Variants in STXBP5 observed in about 807,000 individuals in gnomAD.
The protein encoded by STXBP5 is syntaxin-binding protein 5.
Under a neutral mutation model 152.4 loss-of-function variants are expected in STXBP5, and 50 were observed. The ratio of observed to expected loss-of-function variants is 0.33; its 90% CI spans 0.26 to 0.42. STXBP5 has a LOEUF of 0.42. STXBP5 is among the 10% of genes least tolerant of loss of function. The pLI is 1.00. For synonymous variants in STXBP5, 492 were observed against 494.7 expected, an observed-to-expected ratio of 0.99 and a Z score of 0.07; for missense variants, 1,167 against 1,388.6, an observed-to-expected ratio of 0.84 and a Z score of 2.54.
intron 8 of STXBP5, among the ~76,000 whole-genome samples, chr6:147,283,294 C>T (rs187226593): frequency 7.9e-5 from 12 of 152,174 alleles, no homozygotes; most frequent in Non-Finnish European, 1.5e-4. Context: ...AAGGATGAGA[C>T]GTGTAAAGAA....
At chr6:147,265,348 T>A (rs1779840736) in intron 6 of STXBP5, among the ~76,000 whole-genome samples, 1 of 152,136 alleles carries the variant, frequency 6.6e-6, no homozygotes, top group Non-Finnish European at 1.5e-5. Context: ...GCCCAAATTT[T>A]GTTTATATCC....
At position 147,328,316 on chromosome 6, in the gene STXBP5, A is replaced by C. The variant is rs560269098; in HGVS notation, c.2080+1040A>C. Among the ~76,000 whole-genome samples the C allele has an allele frequency of 1.2e-3, 186 of 152,332 alleles. 4 individuals carry two copies. The South Asian group carries it at 0.038, about 31-fold the overall frequency. On this transcript the variant is annotated intron_variant, in intron 18 of 27. Coordinates refer to ENST00000321680, the MANE Select transcript of STXBP5 (RefSeq NM_001127715.4). ...CCCAACTGGACCAGAGATTGAGGGC[A>C]ACCTGTTTGAGGCATACTTAACTCA...
At chr6:147,382,465 A>G (rs1315947362) in intron 26 of STXBP5, among the ~76,000 whole-genome samples, 1 of 152,146 alleles carries the variant, frequency 6.6e-6, no homozygotes, top group Non-Finnish European at 1.5e-5. Context: ...AGTTTTTGCC[A>G]TTATGTAATT....
intron 8 of STXBP5, among the ~76,000 whole-genome samples, chr6:147,289,813 A>G (rs1030744240): frequency 1.3e-5 from 2 of 152,140 alleles, no homozygotes; most frequent in African/African-American, 2.4e-5. Context: ...AATTGGCACA[A>G]CCTATCTAGA....
chr6:147,324,234 T>C (rs1300024139), intron 16 of STXBP5, among the ~76,000 whole-genome samples: 1 of 151,246 alleles, frequency 6.6e-6, no homozygotes, highest in Non-Finnish European at 1.5e-5. Context: ...TGTTACTTCA[T>C]GTTTTTAAGT....
At chr6:147,254,114 G>A (rs1300479361) in intron 4 of STXBP5, among the ~76,000 whole-genome samples, 2 of 152,102 alleles carry the variant, frequency 1.3e-5, no homozygotes, top group African/African-American at 2.4e-5. Context: ...CAATGTAACA[G>A]AACAGAGGCC....
At chr6:147,270,515 T>A (rs1001904787) in intron 7 of STXBP5, among the ~76,000 whole-genome samples, 2 of 151,828 alleles carry the variant, frequency 1.3e-5, no homozygotes, top group African/African-American at 4.8e-5. Context: ...CCTAGAACTT[T>A]ATACCTGGTG....
Position 147,287,303 on chromosome 6 carries a change from T to C in STXBP5, c.839-3791T>C, listed in dbSNP as rs961254103. Among the ~76,000 whole-genome samples the C allele has an allele frequency of 4.0e-4, 57 of 141,554 alleles. 1 individual carries two copies. The Middle Eastern group carries it at 0.015, about 37-fold the overall frequency. 92.9% of individuals were successfully genotyped at this position (141,554 alleles called of 152,430 possible). On this transcript the variant is annotated intron_variant, in intron 8 of 27. Coordinates refer to ENST00000321680, the MANE Select transcript of STXBP5 (RefSeq NM_001127715.4). ...CTGCAAGCTCCGCCTCCCGGGTTCA[T>C]GCCATTCTCCTGCCTCAGCCTCCCA... is the stretch of plus-strand genomic sequence containing the variant.
intron 2 of STXBP5, among the ~76,000 whole-genome samples, chr6:147,214,687 A>G (rs1777069765): frequency 1.3e-5 from 2 of 152,216 alleles, no homozygotes; most frequent in South Asian, 2.1e-4. Context: ...AATATGTGAC[A>G]TTAAATGTCT....
intron 8 of STXBP5, 102 bp downstream of exon 8, chr6:147,278,306 G>A: frequency 8.4e-7 from 1 of 1,185,308 alleles, no homozygotes; most frequent in Admixed American, 2.7e-5. Context: ...TTAGGATAAG[G>A]ATGGGTTTCC....
intron 16 of STXBP5, among the ~76,000 whole-genome samples, chr6:147,321,041 A>G (rs1160830040): frequency 1.3e-5 from 2 of 152,198 alleles, no homozygotes; most frequent in Non-Finnish European, 2.9e-5. Context: ...TTAGTAGAAT[A>G]TTGTACAAGC....
chr6:147,381,816 TACTC>T (rs1786099652), intron 26 of STXBP5, among the ~76,000 whole-genome samples: 1 of 152,018 alleles, frequency 6.6e-6, no homozygotes, highest in African/African-American at 2.4e-5. Context: ...TTAAATGAAA[TACTC>T]AGAATAGGCA....
intron 2 of STXBP5, among the ~76,000 whole-genome samples, chr6:147,231,019 C>A (rs1249659928): frequency 6.6e-6 from 1 of 151,588 alleles, no homozygotes; most frequent in African/African-American, 2.4e-5. Flanking sequence ...CCTTCTCAAC[C>A]AATCAACCAG....
intron 2 of STXBP5, among the ~76,000 whole-genome samples, chr6:147,213,364 C>T (rs551261194): frequency 6.6e-6 from 1 of 151,358 alleles, no homozygotes; most frequent in East Asian, 1.9e-4. Context: ...AACGATCTTC[C>T]TGCCTCAGCT....
In STXBP5 at chr6:147,314,269, G is replaced by A. The variant is rs759464439; in HGVS notation, c.1299G>A (p.Trp433Ter). ...ACAGTCATCTTTTTTTATAGGAATG[G>A]CCCATCAACGGAGGTAATTGGGGCT... ...QKRQGYSKKE[W>*]PINGGNWGLG... is the part of the protein sequence containing the mutation. The change falls in exon 13 of 28, where the codon TGG becomes TGA. Residue 433 changes from tryptophan to a stop codon, truncating the protein, a stop_gained. Coordinates refer to ENST00000321680, the MANE Select transcript of STXBP5 (RefSeq NM_001127715.4). LOFTEE classifies it high-confidence loss of function. 2 of 1,609,940 alleles carry A rather than the reference G, an allele frequency of 1.2e-6. No homozygotes were observed.
intron 2 of STXBP5, among the ~76,000 whole-genome samples, chr6:147,213,430 ATATATGTGTGTGTGTGTGTGTG>A (rs1776966802): frequency 2.9e-5 from 2 of 68,402 alleles, no homozygotes; most frequent in African/African-American, 9.6e-5. Context: ...ACATAATTTT[ATATATGTGTGTGTGTGTGTGTG>A]TGTGTGTGTG....
intron 4 of STXBP5, among the ~76,000 whole-genome samples, chr6:147,248,476 A>C (rs1346962365): frequency 1.3e-5 from 2 of 152,192 alleles, no homozygotes; most frequent in Non-Finnish European, 2.9e-5. Flanking sequence ...GACAAAAGTC[A>C]GTCATCAGGA....
At chr6:147,357,688 T>C (rs994225843) in intron 22 of STXBP5, among the ~76,000 whole-genome samples, 2 of 151,998 alleles carry the variant, frequency 1.3e-5, no homozygotes, top group Non-Finnish European at 2.9e-5. Flanking sequence ...GAAACAAAAA[T>C]GTGCAATAAA....
At chr6:147,320,444 C>T (rs763801463) in intron 16 of STXBP5, among the ~76,000 whole-genome samples, 2 of 152,206 alleles carry the variant, frequency 1.3e-5, no homozygotes, top group East Asian at 3.9e-4. Context: ...TACATAGGGA[C>T]TCTACCATTC....
Sources: allele counts gnomAD v4.1 joint callset (sites outside exome capture counted in the v4.1 genomes callset), GRCh38; gene constraint gnomAD v4.1.1; transcripts MANE v1.5; gene names NCBI Gene and HGNC (gene_info 2026-07-23, HGNC 2026-07-21).